Variants in TMEM266 observed in about 807,000 individuals in gnomAD.
TMEM266 encodes the protein transmembrane protein 266.
Under a neutral mutation model 50.5 loss-of-function variants are expected in TMEM266, and 33 were observed. That is an observed-to-expected ratio of 0.65 (90% CI 0.50 to 0.87). The LOEUF is 0.87. Among genes scored for constraint, TMEM266 ranks in the 40% least tolerant of loss-of-function variants. The pLI is 0.00. For synonymous variants in TMEM266, 310 were observed against 292.3 expected (o/e 1.06, Z -0.62); for missense variants, 655 against 695.1 (o/e 0.94, Z 0.65).
intron 1 of TMEM266, among the ~76,000 whole-genome samples, chr15:76,079,795 C>T: frequency 7.0e-6 from 1 of 142,414 alleles, no homozygotes; most frequent in Admixed American, 7.0e-5. Context: ...AAAAAATCCA[C>T]ATTCTGAGGT....
chr15:76,199,283 C>T lies in TMEM266; in HGVS notation c.959-2919C>T, dbSNP rs533838668. Among the ~76,000 whole-genome samples, 85 of 152,298 alleles carry T rather than the reference C, an allele frequency of 5.6e-4. 1 individual carries two copies. The South Asian group carries it at 0.01, about 18-fold the overall frequency. ...AGGCCAGCCAGGAGTTGTCCGGGGA[C>T]GGTCGGCCAGACCAGTCCGAAGCTC... is the stretch of plus-strand genomic sequence containing the variant. On this transcript the variant is annotated intron_variant, in intron 9 of 10. Transcript: ENST00000388942.
At chr15:76,193,248 TG>T (rs2038608935) in intron 9 of TMEM266, among the ~76,000 whole-genome samples, 1 of 152,014 alleles carries the variant, frequency 6.6e-6, no homozygotes, top group African/African-American at 2.4e-5. Context: ...GCTTTTTTTT[TG>T]GAGACAGGGT....
intron 5 of TMEM266, among the ~76,000 whole-genome samples, chr15:76,165,841 T>C (rs2038086319): frequency 6.6e-6 from 1 of 152,238 alleles, no homozygotes; most frequent in Non-Finnish European, 1.5e-5. Flanking sequence ...ACTCCCCATC[T>C]AACACCCTTT....
chr15:76,141,518 CG>C (rs2037677728), intron 3 of TMEM266, among the ~76,000 whole-genome samples: 2 of 152,082 alleles, frequency 1.3e-5, no homozygotes, highest in Non-Finnish European at 2.9e-5. Flanking sequence ...GGATTACAGG[CG>C]TGAGCCACAG....
Position 76,139,664 on chromosome 15 carries a change from C to G in TMEM266, c.227+1769C>G, listed in dbSNP as rs2037646688. On this transcript the variant is annotated intron_variant, in intron 3 of 10. Coordinates refer to ENST00000388942, the MANE Select transcript of TMEM266 (RefSeq NM_152335.3). This position sits in a 1 kb window ranked among gnomAD's most constrained non-coding sequence, Gnocchi z 4.1. The stretch of plus-strand genomic sequence containing the variant: ...CACCCAGCAAGTCACTGCGTCACTG[C>G]TCTCTGGTGGTCAAAAGCAGTAGTG... 6.6e-6 allele frequency among the ~76,000 whole-genome samples: 1 copy of G among 152,254 alleles called. No individual in the cohort carries two copies. The highest frequency in any genetic ancestry group is 2.4e-5 in the African/African-American group (1 of 41,466).
At chr15:76,093,916 T>C (rs1288806337) in intron 1 of TMEM266, among the ~76,000 whole-genome samples, 1 of 152,140 alleles carries the variant, frequency 6.6e-6, no homozygotes, top group Non-Finnish European at 1.5e-5. Context: ...ATGTCTTCTT[T>C]TGAAAAGGGT....
intron 1 of TMEM266, among the ~76,000 whole-genome samples, chr15:76,079,081 C>T (rs902570507): frequency 3.3e-5 from 5 of 152,194 alleles, no homozygotes; most frequent in Admixed American, 6.6e-5. Context: ...GGGATGTGCA[C>T]GTGGCTCACG....
intron 8 of TMEM266, among the ~76,000 whole-genome samples, chr15:76,188,448 C>T (rs994010104): frequency 6.6e-6 from 1 of 152,090 alleles, no homozygotes; most frequent in African/African-American, 2.4e-5. Context: ...ACTAAAAATA[C>T]AAAAATTAGC....
chr15:76,111,547 A>C (rs1404740540), intron 1 of TMEM266, among the ~76,000 whole-genome samples: 1 of 152,140 alleles, frequency 6.6e-6, no homozygotes, highest in Non-Finnish European at 1.5e-5. Context: ...AGCTGGGATT[A>C]CAGGCGCCCG....
intron 1 of TMEM266, among the ~76,000 whole-genome samples, chr15:76,125,394 G>A (rs113526641): frequency 0.01 from 1,581 of 152,084 alleles, 34 homozygotes; most frequent in African/African-American, 0.036. Flanking sequence ...CTGATAAGCA[G>A]TTATCAGATA....
intron 1 of TMEM266, among the ~76,000 whole-genome samples, chr15:76,119,635 A>C (rs2935961): frequency 0.074 from 11,313 of 151,916 alleles, 1,382 homozygotes; most frequent in African/African-American, 0.26. Flanking sequence ...GGTATGGTGG[A>C]GAGCCCCTGT....
intron 9 of TMEM266, among the ~76,000 whole-genome samples, chr15:76,193,294 C>A (rs1386967828): frequency 1.3e-5 from 2 of 152,060 alleles, no homozygotes; most frequent in African/African-American, 2.4e-5. Flanking sequence ...CATAATAGTT[C>A]ACTGCCACCT....
At chr15:76,115,186 C>T (rs564257955) in intron 1 of TMEM266, among the ~76,000 whole-genome samples, 6 of 152,244 alleles carry the variant, frequency 3.9e-5, no homozygotes, top group African/African-American at 1.2e-4. Flanking sequence ...CCCTCAAGAA[C>T]GCCACCTCCC....
chr15:76,158,879 G>A (rs577957910), intron 4 of TMEM266, among the ~76,000 whole-genome samples: 24 of 152,310 alleles, frequency 1.6e-4, no homozygotes, highest in South Asian at 6.2e-4. Context: ...TTTTGCAGCC[G>A]TCTTCCCCTG....
rs750978193 is a variant in TMEM266 at position 76,170,967 on chromosome 15, G to A, written c.514-26G>A. 17 of 1,605,364 alleles carry A rather than the reference G, an allele frequency of 1.1e-5. No homozygotes were observed. The South Asian group carries it at 1.6e-4, about 15-fold the overall frequency. ...TCCCGGACACACGGCAGGGCCCAGGGCACTGAAATGGGCCTCCTCTCACAG... is the reference window on the plus strand; with the variant it reads ...TCCCGGACACACGGCAGGGCCCAGGACACTGAAATGGGCCTCCTCTCACAG... On this transcript the variant is annotated intron_variant, in intron 6 of 10. Transcript: ENST00000388942.
At chr15:76,103,294 G>A (rs1021663378) in intron 1 of TMEM266, among the ~76,000 whole-genome samples, 3 of 151,888 alleles carry the variant, frequency 2.0e-5, no homozygotes, top group Non-Finnish European at 4.4e-5. Flanking sequence ...CTTGAGCCCA[G>A]GAGTTCAAGA....
chr15:76,071,144 C>G (rs1466006196), intron 1 of TMEM266, among the ~76,000 whole-genome samples: 1 of 152,190 alleles, frequency 6.6e-6, no homozygotes, highest in Non-Finnish European at 1.5e-5. Context: ...CTTGCTACCC[C>G]AGGAACTTCC....
chr15:76,183,842 G>A (rs2038455797), intron 8 of TMEM266, among the ~76,000 whole-genome samples: 1 of 152,210 alleles, frequency 6.6e-6, no homozygotes, highest in Non-Finnish European at 1.5e-5. Context: ...AAGATGTGAG[G>A]AGAGGAAGCT....
chr15:76,116,022 G>A (rs139458978), intron 1 of TMEM266, among the ~76,000 whole-genome samples: 1 of 152,212 alleles, frequency 6.6e-6, no homozygotes, highest in African/African-American at 2.4e-5. Flanking sequence ...CCCACATTCA[G>A]TGTTCTTTAA....
Sources: allele counts gnomAD v4.1 joint callset (sites outside exome capture counted in the v4.1 genomes callset), GRCh38; gene constraint gnomAD v4.1.1; non-coding constraint Gnocchi (gnomAD v3.1); transcripts MANE v1.5; gene names NCBI Gene and HGNC (gene_info 2026-07-23, HGNC 2026-07-21).